The following ZNF140 variants were observed in gnomAD, a reference collection of about 807,000 sequenced individuals.
ZNF140 encodes the protein zinc finger protein 140 (clone pHZ-39).
Under a neutral mutation model 12.9 loss-of-function variants are expected in ZNF140, and 13 were observed. The observed-to-expected ratio is 1.01, with a 90% CI of 0.66 to 1.60. ZNF140 has a LOEUF of 1.60. Among genes scored for constraint, ZNF140 ranks in the 40% most tolerant of loss-of-function variants. ZNF140 has a pLI of 0.00. For missense variants in ZNF140, 531 were observed against 548.8 expected (o/e 0.97, Z 0.32); for synonymous variants, 214 against 186.7 (o/e 1.15, Z -1.19).
At chr12:133,089,326 G>C (rs374291852) in intron 4 of ZNF140, among the ~76,000 whole-genome samples, 1 of 151,564 alleles carries the variant, frequency 6.6e-6, no homozygotes, top group Admixed American at 6.6e-5. Context: ...TGATCCTCCC[G>C]TCTCAGCCTC....
At chr12:133,095,718 C>T (rs1246149094) in intron 4 of ZNF140, among the ~76,000 whole-genome samples, 3 of 151,542 alleles carry the variant, frequency 2.0e-5, no homozygotes, top group Non-Finnish European at 1.5e-5. Context: ...AGGAGAAGGT[C>T]AGCAAAAAAC....
In ZNF140 at chr12:133,106,405, G is replaced by C. The variant is rs779753365; in HGVS notation, c.1128G>C (p.Thr376=). The C allele has an allele frequency of 6.2e-7, 1 of 1,614,106 alleles. No homozygotes were observed. The highest frequency in any genetic ancestry group is 1.7e-5 in the Admixed American group (1 of 60,018). The change falls in exon 5 of 5, where the codon ACG becomes ACC. Residue 376 remains threonine (T), a synonymous_variant. Coordinates refer to ENST00000355557, the MANE Select transcript of ZNF140 (RefSeq NM_003440.4). The part of the protein sequence containing the change: ...FTWHASLIQH[T]KSHTGEKPYA... ...GGCATGCATCCCTTATTCAACATAC[G>C]AAGAGTCACACTGGAGAGAAACCCT...
chr12:133,085,480 C>T (rs1410064710), intron 4 of ZNF140, among the ~76,000 whole-genome samples: 2 of 152,134 alleles, frequency 1.3e-5, no homozygotes, highest in African/African-American at 4.8e-5. Flanking sequence ...CAAACAGTCA[C>T]GTGACCAAGG....
At chr12:133,091,749 A>G (rs974946023) in intron 4 of ZNF140, among the ~76,000 whole-genome samples, 2 of 151,064 alleles carry the variant, frequency 1.3e-5, no homozygotes, top group Non-Finnish European at 2.9e-5. Flanking sequence ...GGCTATCAAC[A>G]GCTTTTACCA....
chr12:133,100,661 C>G (rs1193631298), intron 4 of ZNF140, among the ~76,000 whole-genome samples: 2 of 152,156 alleles, frequency 1.3e-5, no homozygotes, highest in East Asian at 3.9e-4. Context: ...AGAAATTTCA[C>G]ATTTTCCCAT....
At position 133,083,119 on chromosome 12, in the gene ZNF140, G is replaced by C. The variant is rs1376933481; in HGVS notation, c.26G>C (p.Arg9Thr). The C allele has an allele frequency of 1.9e-6, 3 of 1,614,080 alleles. No homozygotes were observed. The highest frequency in any genetic ancestry group is 1.7e-5 in the Admixed American group (1 of 60,002). Residue 9 changes from arginine (R) to threonine (T), a missense_variant, in exon 3 of 5, where the codon AGA becomes ACA. Coordinates refer to ENST00000355557, the MANE Select transcript of ZNF140 (RefSeq NM_003440.4). ...TCATTTCAGGGGTCAGTGACATTCA[G>C]AGATGTGGCCATAGACTTCTCCCAG... Reference protein sequence around the residue: MSQGSVTFRDVAIDFSQEE... With the variant: MSQGSVTFTDVAIDFSQEE...
chr12:133,086,338 G>T (rs1288831467), intron 4 of ZNF140, among the ~76,000 whole-genome samples: 10 of 152,170 alleles, frequency 6.6e-5, no homozygotes, highest in Non-Finnish European at 1.5e-4. Flanking sequence ...AATGCCTGTT[G>T]GGCATCGTAA....
At chr12:133,087,441 C>T (rs999397492) in intron 4 of ZNF140, among the ~76,000 whole-genome samples, 1 of 151,708 alleles carries the variant, frequency 6.6e-6, no homozygotes, top group Non-Finnish European at 1.5e-5. Context: ...AATGCATATT[C>T]CTAGGCCCCA....
chr12:133,104,250 T>C (rs1272596611), intron 4 of ZNF140, among the ~76,000 whole-genome samples: 1 of 152,236 alleles, frequency 6.6e-6, no homozygotes, highest in Non-Finnish European at 1.5e-5. Context: ...ATTTGGCATA[T>C]GATTTTTCTT....
chr12:133,080,881 C>T (rs1017744531), upstream of ZNF140: 1 of 152,732 alleles, frequency 6.5e-6, no homozygotes, highest in African/African-American at 2.4e-5. Flanking sequence ...AGACGCAATT[C>T]CTGCGACGCC....
Position 133,105,657 on chromosome 12 carries a change from C to T in ZNF140, c.380C>T (p.Thr127Ile). Residue 127 changes from threonine (T) to isoleucine (I), a missense_variant, in exon 5 of 5, where the codon ACT becomes ATT. Transcript: ENST00000355557. Reference sequence around the variant, plus strand: ...GGAGGCTGGAAATGCAAGGATCATACTGAGATGCTGCAAGAAAATCAGGGA... The same window carrying T: ...GGAGGCTGGAAATGCAAGGATCATATTGAGATGCTGCAAGAAAATCAGGGA... Reference protein sequence around the residue: ...FKGGWKCKDHTEMLQENQGCI... With the variant: ...FKGGWKCKDHIEMLQENQGCI... 1 of 1,614,182 alleles carries T rather than the reference C, an allele frequency of 6.2e-7. No individual in the cohort carries two copies. The highest frequency in any genetic ancestry group is 8.5e-7 in the Non-Finnish European group (1 of 1,180,036).
chr12:133,097,326 C>T (rs1207856590), intron 4 of ZNF140, among the ~76,000 whole-genome samples: 1 of 152,088 alleles, frequency 6.6e-6, no homozygotes, highest in Non-Finnish European at 1.5e-5. Context: ...TGTATTTAGA[C>T]TGTTGACCTT....
chr12:133,097,851 T>TGTGTGTGTGTGTGTGTGTGTGTG (rs1219923897), intron 4 of ZNF140, among the ~76,000 whole-genome samples: 9 of 78,652 alleles, frequency 1.1e-4, no homozygotes, highest in African/African-American at 2.8e-4. Context: ...GTGTGTGTGT[T>TGTGTGTGTGTGTGTGTGTGTGTG]TTTGAGATGA....
At position 133,106,990 on chromosome 12, in the gene ZNF140, T is replaced by A. The variant is rs777397398; in HGVS notation, c.*339T>A. The stretch of plus-strand genomic sequence containing the variant: ...AGGAAAGAATACATATCCAATAGAT[T>A]GGAGAAAGCCAGAGATTAGCCCTCA... On this transcript the variant is annotated 3_prime_UTR_variant, in exon 5 of 5. Transcript: ENST00000355557. 1 of 175,378 alleles carries A rather than the reference T, an allele frequency of 5.7e-6. No individual in the cohort carries two copies. Among genetic ancestry groups the A allele is most frequent in the Non-Finnish European group, 1.2e-5 (1 of 82,860 alleles). 10.9% of individuals were successfully genotyped at this position (175,378 alleles called of 1,614,324 possible).
intron 4 of ZNF140, among the ~76,000 whole-genome samples, chr12:133,087,688 C>T (rs934948582): frequency 6.6e-6 from 1 of 152,210 alleles, no homozygotes; most frequent in Non-Finnish European, 1.5e-5. Context: ...GAGTTACCTG[C>T]ACAGCTTCTT....
At chr12:133,095,258 C>T (rs890048740) in intron 4 of ZNF140, among the ~76,000 whole-genome samples, 1 of 151,032 alleles carries the variant, frequency 6.6e-6, no homozygotes, top group Non-Finnish European at 1.5e-5. Context: ...GAAGCTTTAA[C>T]TCCCCCTCTT....
intron 4 of ZNF140, among the ~76,000 whole-genome samples, chr12:133,095,318 T>A (rs1168294041): frequency 6.6e-6 from 1 of 150,990 alleles, no homozygotes; most frequent in Non-Finnish European, 1.5e-5. Flanking sequence ...TTACTTGCAG[T>A]TTGCCCCATT....
intron 4 of ZNF140, among the ~76,000 whole-genome samples, chr12:133,095,462 G>A (rs1488283493): frequency 2.0e-5 from 3 of 150,572 alleles, no homozygotes; most frequent in Admixed American, 6.6e-5. Context: ...CCCCCACATC[G>A]GGCGCCAGAT....
rs1401388488 is a variant in ZNF140, at chr12:133,105,808, G to T, written c.531G>T (p.Val177=). 1.9e-6 allele frequency: 3 copies of T among 1,614,050 alleles called. No individual in the cohort carries two copies. In the African/African-American group the frequency reaches 4.0e-5, roughly 22 times the overall value. Residue 177 remains valine, a synonymous_variant, in exon 5 of 5, where the codon GTG becomes GTT. Coordinates refer to ENST00000355557, the MANE Select transcript of ZNF140 (RefSeq NM_003440.4). ...GKTFGRRFSL[V]LHQRTHTGEK... Reference sequence around the variant, plus strand: ...CTTTTGGTCGACGCTTTTCCCTGGTGTTACACCAGAGGACTCATACTGGAG... The same window carrying T: ...CTTTTGGTCGACGCTTTTCCCTGGTTTTACACCAGAGGACTCATACTGGAG...
Sources: allele counts gnomAD v4.1 joint callset (sites outside exome capture counted in the v4.1 genomes callset), GRCh38; gene constraint gnomAD v4.1.1; transcripts MANE v1.5; gene names NCBI Gene and HGNC (gene_info 2026-07-23, HGNC 2026-07-21).